PPFIA2: variants seen among roughly 807,000 people sequenced by gnomAD.
The protein encoded by PPFIA2 is liprin-alpha-2.
A neutral mutation model predicts 175.5 loss-of-function variants in PPFIA2; 46 were observed. That is an observed-to-expected ratio of 0.26 (90% CI 0.21 to 0.34). PPFIA2 has a LOEUF of 0.34. PPFIA2 is among the 10% of genes least tolerant of loss of function. The pLI is 1.00. For synonymous variants in PPFIA2, 568 were observed against 511.4 expected (o/e 1.11, Z -1.49); for missense variants, 1,179 against 1,506.1 (o/e 0.78, Z 3.60).
At chr12:81,497,171 C>T (rs1477252919) in intron 4 of PPFIA2, among the ~76,000 whole-genome samples, 2 of 152,170 alleles carry the variant, frequency 1.3e-5, no homozygotes, top group Admixed American at 1.3e-4. Flanking sequence ...ATGTTTAACT[C>T]ACCAATGACA....
At chr12:81,689,925 A>C (rs919172774) in intron 3 of PPFIA2, among the ~76,000 whole-genome samples, 1 of 152,092 alleles carries the variant, frequency 6.6e-6, no homozygotes, top group African/African-American at 2.4e-5. Flanking sequence ...CTTTTGTTTG[A>C]GAGCAATCAA....
intron 22 of PPFIA2, among the ~76,000 whole-genome samples, chr12:81,303,311 C>G (rs1414354130): frequency 6.6e-6 from 1 of 152,024 alleles, no homozygotes; most frequent in African/African-American, 2.4e-5. Context: ...AATATTTGAC[C>G]ATCTTTTCCC....
At chr12:81,445,252 A>G (rs1447350600) in intron 6 of PPFIA2, among the ~76,000 whole-genome samples, 2 of 149,374 alleles carry the variant, frequency 1.3e-5, no homozygotes, top group African/African-American at 5.0e-5. Flanking sequence ...GAGAGGCTCA[A>G]TAATAATATT....
At chr12:81,516,303 T>G (rs996717457) in intron 4 of PPFIA2, among the ~76,000 whole-genome samples, 5 of 152,158 alleles carry the variant, frequency 3.3e-5, no homozygotes, top group African/African-American at 1.2e-4. Flanking sequence ...TAATATATAA[T>G]GTTCCTGTCT....
intron 4 of PPFIA2, among the ~76,000 whole-genome samples, chr12:81,611,785 C>G (rs74835106): frequency 0.01 from 1,585 of 152,266 alleles, 31 homozygotes; most frequent in African/African-American, 0.033. Flanking sequence ...CACACAAAAA[C>G]TCCTGGGCTC....
chr12:81,368,235 T>C (rs2034095520), intron 13 of PPFIA2: 4 of 1,098,932 alleles, frequency 3.6e-6, no homozygotes, highest in Non-Finnish European at 1.2e-6. Flanking sequence ...TCTGAAATAA[T>C]GCAGCTGAAA....
At chr12:81,264,170 C>G (rs1398172600) in intron 30 of PPFIA2, among the ~76,000 whole-genome samples, 1 of 152,136 alleles carries the variant, frequency 6.6e-6, no homozygotes, top group Non-Finnish European at 1.5e-5. Flanking sequence ...CATCATACCC[C>G]ACATAGGCTA....
chr12:81,600,371 C>T (rs1247918539), intron 4 of PPFIA2, among the ~76,000 whole-genome samples: 4 of 151,754 alleles, frequency 2.6e-5, no homozygotes, highest in Non-Finnish European at 5.9e-5. Flanking sequence ...CTCCTGTGTC[C>T]CTTGACATGC....
intron 21 of PPFIA2, among the ~76,000 whole-genome samples, chr12:81,336,978 G>T (rs2057236625): frequency 6.6e-6 from 1 of 152,092 alleles, no homozygotes; most frequent in Non-Finnish European, 1.5e-5. Flanking sequence ...AATGTGCATG[G>T]TCTTTCCATG....
chr12:81,754,079 G>C lies in PPFIA2; in HGVS notation c.143C>G (p.Thr48Ser), dbSNP rs370073719. The C allele has an allele frequency of 7.1e-5, 114 of 1,613,876 alleles. No homozygotes were observed. In the African/African-American group the frequency reaches 1.3e-3, roughly 19 times the overall value. Reference protein sequence around the residue: ...MLDERDRLLDTLRETQESLSL... With the variant: ...MLDERDRLLDSLRETQESLSL... Reference sequence around the variant, plus strand: ...GAGGCTTTCCTGGGTCTCCCGAAGGGTGTCTAGAAGACGATCCCTTTCATC... The same window carrying C: ...GAGGCTTTCCTGGGTCTCCCGAAGGCTGTCTAGAAGACGATCCCTTTCATC... Residue 48 changes from threonine (T) to serine (S), a missense_variant, in exon 3 of 33, where the codon ACC becomes AGC. Around this residue, in one of 10 missense-constraint regions of PPFIA2, gnomAD observed 128 missense variants for 141.4 expected, o/e 0.91. Coordinates refer to ENST00000549396, the MANE Select transcript of PPFIA2 (RefSeq NM_003625.5).
intron 4 of PPFIA2, among the ~76,000 whole-genome samples, chr12:81,564,014 T>C (rs1046794759): frequency 2.0e-5 from 3 of 152,176 alleles, no homozygotes; most frequent in Non-Finnish European, 4.4e-5. Context: ...AAAAAAGTAT[T>C]CAACATAAAT....
At chr12:81,689,072 A>G (rs897685979) in intron 3 of PPFIA2, among the ~76,000 whole-genome samples, 3 of 151,522 alleles carry the variant, frequency 2.0e-5, no homozygotes, top group African/African-American at 7.3e-5. Context: ...TTTGGAAGTA[A>G]TAGCCTTGGA....
At chr12:81,464,898 A>AAG (rs1555404256) in intron 4 of PPFIA2, among the ~76,000 whole-genome samples, 5 of 151,038 alleles carry the variant, frequency 3.3e-5, no homozygotes, top group Non-Finnish European at 5.9e-5. Context: ...AAAAAAAAAA[A>AAG]CTTCTAACTT....
intron 22 of PPFIA2, among the ~76,000 whole-genome samples, chr12:81,322,318 TA>T (rs953324806): frequency 1.3e-5 from 2 of 152,080 alleles, no homozygotes; most frequent in African/African-American, 4.8e-5. Flanking sequence ...ATATTTTTGT[TA>T]AATAAGAAGA....
chr12:81,628,568 G>A (rs887587563), intron 4 of PPFIA2, among the ~76,000 whole-genome samples: 7 of 151,796 alleles, frequency 4.6e-5, no homozygotes, highest in African/African-American at 4.8e-5. Flanking sequence ...TAACGGAGAC[G>A]GGGTTTCACC....
At chr12:81,458,159 A>G (rs2053901615) in intron 4 of PPFIA2, among the ~76,000 whole-genome samples, 1 of 152,170 alleles carries the variant, frequency 6.6e-6, no homozygotes, top group South Asian at 2.1e-4. Flanking sequence ...TTATTCCTAG[A>G]GTAAATTTAA....
chr12:81,685,888 T>G (rs1295197963), intron 3 of PPFIA2, among the ~76,000 whole-genome samples: 1 of 152,090 alleles, frequency 6.6e-6, no homozygotes, highest in Non-Finnish European at 1.5e-5. Flanking sequence ...CACACCATGC[T>G]AAGAGCTCTA....
rs145238003 is a variant in PPFIA2, at chr12:81,519,760, G to C, written c.304-61894C>G. On this transcript the variant is annotated intron_variant, in intron 4 of 32. Coordinates refer to ENST00000549396, the MANE Select transcript of PPFIA2 (RefSeq NM_003625.5). ...TTCAGAACTTATAATAACGAAGAAA[G>C]ATTAATTTTAAAATGGACTTTTCAG... is the stretch of plus-strand genomic sequence containing the variant. Among the ~76,000 whole-genome samples, 89 of 152,210 alleles carry C rather than the reference G, an allele frequency of 5.8e-4. 3 individuals carry two copies. The East Asian group carries it at 0.017, about 28-fold the overall frequency.
intron 17 of PPFIA2, among the ~76,000 whole-genome samples, chr12:81,348,790 G>A (rs1023032445): frequency 8.5e-5 from 13 of 152,114 alleles, no homozygotes; most frequent in African/African-American, 3.1e-4. Context: ...GCTAGGTTGT[G>A]TAAAAATCCT....
Sources: allele counts gnomAD v4.1 joint callset (sites outside exome capture counted in the v4.1 genomes callset), GRCh38; gene constraint gnomAD v4.1.1; regional missense constraint gnomAD v4.1.1; transcripts MANE v1.5; gene names NCBI Gene and HGNC (gene_info 2026-07-23, HGNC 2026-07-21).